Variants in UBE2O observed in about 807,000 individuals in gnomAD.
UBE2O encodes the protein ubiquitin conjugating enzyme E2 O.
In UBE2O, 15 loss-of-function variants were observed where a neutral mutation model predicts 125.8. That is an observed-to-expected ratio of 0.12 (90% CI 0.08 to 0.18). UBE2O has a LOEUF of 0.18. Ranked by LOEUF, UBE2O falls within the 10% of genes least tolerant of loss-of-function variation. The pLI is 1.00. For missense variants in UBE2O, 1,280 were observed against 1,723.6 expected (o/e 0.74, Z 4.56); for synonymous variants, 708 against 703.2 (o/e 1.01, Z -0.11).
intron 1 of UBE2O, among the ~76,000 whole-genome samples, chr17:76,442,200 C>T (rs191020192): frequency 3.9e-5 from 6 of 152,304 alleles, no homozygotes; most frequent in Admixed American, 1.3e-4. Context: ...GGGGAGCCCG[C>T]GACGGAAGTT....
At chr17:76,428,696 A>G (rs1422366847) in intron 1 of UBE2O, among the ~76,000 whole-genome samples, 1 of 152,168 alleles carries the variant, frequency 6.6e-6, no homozygotes, top group Non-Finnish European at 1.5e-5. Flanking sequence ...GTGAGGCAAT[A>G]AGAGATCTTT....
chr17:76,416,031 A>G (rs1474994891), intron 1 of UBE2O, among the ~76,000 whole-genome samples: 1 of 143,284 alleles, frequency 7.0e-6, no homozygotes, highest in Non-Finnish European at 1.6e-5. Flanking sequence ...ACACACACGT[A>G]TATATGTGTG....
chr17:76,397,960 C>T, intron 12 of UBE2O, 72 bp from the exon 13 acceptor site: 1 of 1,495,220 alleles, frequency 6.7e-7, no homozygotes, highest in Admixed American at 1.7e-5. Flanking sequence ...CTGTGCTCTG[C>T]AGTGACTGAC....
intron 15 of UBE2O, among the ~76,000 whole-genome samples, chr17:76,394,662 A>G (rs903524445): frequency 1.3e-5 from 2 of 152,188 alleles, no homozygotes; most frequent in Admixed American, 6.5e-5. Context: ...ATGTAAAAGT[A>G]TAAAAAAAAG....
In UBE2O at chr17:76,389,508, C is replaced by CAAAAAAAAAAAA. The variant is rs1361682722; in HGVS notation, c.*1434_*1435insTTTTTTTTTTTT. The CAAAAAAAAAAAA allele has an allele frequency of 7.4e-5, 3 of 40,650 alleles. 1 individual carries two copies. The highest frequency in any genetic ancestry group is 1.4e-4 in the African/African-American group (1 of 7,226). The allele number at this position is 40,650 out of a possible 1,614,324, so 2.5% of individuals were successfully genotyped here. A position where few individuals can be genotyped will look rare whatever the true frequency, so the allele number is the denominator to read the frequency against. On this transcript the variant is annotated 3_prime_UTR_variant, in exon 18 of 18. Transcript: ENST00000319380. ...TCACCTTGTCTTGCTAATGAGCCAACACAAAAAAAAAAAAAAAAAAAAATG... is the reference window on the plus strand; with the variant it reads ...TCACCTTGTCTTGCTAATGAGCCAACAAAAAAAAAAAAACAAAAAAAAAAAAAAAAAAAAATG...
Position 76,390,043 on chromosome 17 carries a change from G to A in UBE2O, c.*900C>T, listed in dbSNP as rs1026783721. The A allele has an allele frequency of 1.3e-5, 2 of 152,576 alleles. No individual in the cohort carries two copies. Among genetic ancestry groups the A allele is most frequent in the Non-Finnish European group, 2.9e-5 (2 of 68,064 alleles). The allele number at this position is 152,576 out of a possible 1,614,324, so 9.5% of individuals were successfully genotyped here. On this transcript the variant is annotated 3_prime_UTR_variant, in exon 18 of 18. Coordinates refer to ENST00000319380, the MANE Select transcript of UBE2O (RefSeq NM_022066.4). ...ATTGAGCCTGCAGTTTGTAAGCGAA[G>A]GGCTGACAGTAGGCCTTCTAGTCCA...
At chr17:76,415,794 A>AGTGTGT (rs1567842721) in intron 1 of UBE2O, among the ~76,000 whole-genome samples, 1 of 138,738 alleles carries the variant, frequency 7.2e-6, no homozygotes, top group African/African-American at 2.8e-5. Context: ...ACAGAGCAAG[A>AGTGTGT]CTGTGTGTGT....
intron 1 of UBE2O, among the ~76,000 whole-genome samples, chr17:76,415,120 C>G (rs2072579862): frequency 6.6e-6 from 1 of 152,162 alleles, no homozygotes; most frequent in East Asian, 1.9e-4. Flanking sequence ...TGCCGGGCAT[C>G]CCTGAGAACA....
chr17:76,417,244 T>C (rs186646036), intron 1 of UBE2O, among the ~76,000 whole-genome samples: 51 of 152,328 alleles, frequency 3.3e-4, no homozygotes, highest in South Asian at 8.3e-4. Context: ...GGCACCCCCA[T>C]TGACCATCAG....
chr17:76,391,038 A>T lies in UBE2O; in HGVS notation c.3784T>A (p.Ser1262Thr). 2 of 1,613,950 alleles carry T rather than the reference A, an allele frequency of 1.2e-6. No homozygotes were observed. The highest frequency in any genetic ancestry group is 8.5e-7 in the Non-Finnish European group (1 of 1,180,020). ...CGGATGCTCTTGATGAAACCCTTGGAAAGTGGGAAGAGGGGGAAGCCGATG... is the reference window on the plus strand; with the variant it reads ...CGGATGCTCTTGATGAAACCCTTGGTAAGTGGGAAGAGGGGGAAGCCGATG... ...PDIGFPLFPL[S>T]KGFIKSIRGV... The change falls in exon 18 of 18, where the codon TCC becomes ACC. Residue 1262 changes from serine to threonine, a missense_variant. By Grantham distance (58) the Ser-to-Thr change is moderately conservative (BLOSUM62 1). Coordinates refer to ENST00000319380, the MANE Select transcript of UBE2O (RefSeq NM_022066.4). The surrounding 1 kb of genome is among the most constrained non-coding windows in gnomAD (Gnocchi z 8.4).
chr17:76,452,836 G>A lies in UBE2O; in HGVS notation c.306C>T (p.Ser102=), dbSNP rs758506382. ...CCTCGTGGCCCGCGCCCCCGGCCTC[G>A]GAGCACCCCGAGCTCCCGCGGCCCT... ...EEEGRGSSGC[S]EAGGAGHEEG... The change falls in exon 1 of 18, where the codon TCC becomes TCT. Residue 102 remains serine, a synonymous_variant. Coordinates refer to ENST00000319380, the MANE Select transcript of UBE2O (RefSeq NM_022066.4). This position sits in a 1 kb window ranked among gnomAD's most constrained non-coding sequence, Gnocchi z 4.4. The A allele has an allele frequency of 2.1e-5, 32 of 1,502,848 alleles. No individual in the cohort carries two copies. The South Asian group carries it at 3.1e-4, about 15-fold the overall frequency. The allele number at this position is 1,502,848 out of a possible 1,614,324, so 93.1% of individuals were successfully genotyped here. A position where few individuals can be genotyped will look rare whatever the true frequency, so the allele number is the denominator to read the frequency against.
chr17:76,437,471 G>GA (rs368650758), intron 1 of UBE2O, among the ~76,000 whole-genome samples: 13 of 147,068 alleles, frequency 8.8e-5, no homozygotes, highest in African/African-American at 2.3e-4. Flanking sequence ...AAAAGAAAAA[G>GA]AAAAAAAAAG....
At chr17:76,450,487 G>T (rs1294910545) in intron 1 of UBE2O, among the ~76,000 whole-genome samples, 3 of 151,618 alleles carry the variant, frequency 2.0e-5, no homozygotes, top group Admixed American at 6.6e-5. Context: ...GCGTCCCTTG[G>T]CTTTTGCTAA....
At chr17:76,406,692 G>GTTTTTTTTT (rs66834782) in intron 1 of UBE2O, among the ~76,000 whole-genome samples, 3 of 70,916 alleles carry the variant, frequency 4.2e-5, no homozygotes, top group Non-Finnish European at 7.4e-5. Context: ...AGCCCAAGTT[G>GTTTTTTTTT]TTTTTTTTTT....
rs2143700472 is a variant in UBE2O, at chr17:76,399,508, T to C, written c.1569A>G (p.Leu523=). 4 of 1,614,164 alleles carry C rather than the reference T, an allele frequency of 2.5e-6. No homozygotes were observed. Among genetic ancestry groups the C allele is most frequent in the Non-Finnish European group, 3.4e-6 (4 of 1,180,030 alleles). The change falls in exon 9 of 18, where the codon TTA becomes TTG. Residue 523 remains leucine, a synonymous_variant. Transcript: ENST00000319380. This position sits in a 1 kb window ranked among gnomAD's most constrained non-coding sequence, Gnocchi z 6.9. Reference sequence around the variant, plus strand: ...TCTTCTTCCTCTTGTGTTTGCGCTTTAAGTTCTTGATGGACAAGGGGATGC... The same window carrying C: ...TCTTCTTCCTCTTGTGTTTGCGCTTCAAGTTCTTGATGGACAAGGGGATGC... The part of the protein sequence containing the change: ...KKSIPLSIKN[L]KRKHKRKKNK...
intron 1 of UBE2O, among the ~76,000 whole-genome samples, chr17:76,417,648 T>A (rs534024929): frequency 2.2e-4 from 34 of 152,232 alleles, no homozygotes; most frequent in African/African-American, 8.2e-4. Context: ...GCTGGGTCTT[T>A]AGAGGCCATC....
intron 1 of UBE2O, among the ~76,000 whole-genome samples, chr17:76,423,277 G>A (rs1235362059): frequency 6.6e-6 from 1 of 152,204 alleles, no homozygotes; most frequent in Non-Finnish European, 1.5e-5. Context: ...TACTCAAGAG[G>A]CTGAGGTGGG....
At chr17:76,440,617 C>G (rs534499408) in intron 1 of UBE2O, among the ~76,000 whole-genome samples, 2 of 152,224 alleles carry the variant, frequency 1.3e-5, no homozygotes, top group African/African-American at 4.8e-5. Context: ...CATGAGCCAC[C>G]ATGCCTGGCC....
Position 76,396,557 on chromosome 17 carries a change from GGGCAGCCATGGCCACAGCCCCCTGGAC to G in UBE2O, c.2353_2379del (p.Val785_Ala793del). The G allele has an allele frequency of 6.2e-7, 1 of 1,611,010 alleles. No homozygotes were observed. Among genetic ancestry groups the G allele is most frequent in the Non-Finnish European group, 8.5e-7 (1 of 1,178,942 alleles). On this transcript the variant is annotated inframe_deletion, in exon 14 of 18. Transcript: ENST00000319380. The surrounding 1 kb of genome is among the most constrained non-coding windows in gnomAD (Gnocchi z 6.7). ...GCCTTCTCCATCAGCCCGGCCATGG[GGGCAGCCATGGCCACAGCCCCCTGGAC>G]GGCAGCTGTGGCTGCCTCTTCACTG...
Sources: gnomAD v4.1 joint callset for allele counts (sites outside exome capture counted in the v4.1 genomes callset) on GRCh38, gnomAD v4.1.1 for gene constraint, Gnocchi (gnomAD v3.1) non-coding constraint, MANE v1.5 for transcripts, NCBI Gene and HGNC (gene_info 2026-07-23, HGNC 2026-07-21) for gene names.